Variants in IQCH observed in about 807,000 individuals in gnomAD.
IQCH encodes the protein IQ motif containing H.
In IQCH, 98 loss-of-function variants were observed where a neutral mutation model predicts 117.0. That is an observed-to-expected ratio of 0.84 (90% CI 0.71 to 0.99). IQCH has a LOEUF of 0.99. Ranked by LOEUF, IQCH falls within the 50% of genes least tolerant of loss-of-function variation. IQCH has a pLI of 0.00. For missense variants in IQCH, 1,102 were observed against 1,243.8 expected, an observed-to-expected ratio of 0.89 and a Z score of 1.72; for synonymous variants, 412 against 448.2, an observed-to-expected ratio of 0.92 and a Z score of 1.02.
At position 67,387,101 on chromosome 15, in the gene IQCH, T is replaced by C. The variant is rs537118650; in HGVS notation, c.1457-1730T>C. The stretch of plus-strand genomic sequence containing the variant: ...CCTCTACTGTAATTTGGTTAGACGC[T>C]AGTCTCTTCTTCAAAATACAAGACT... On this transcript the variant is annotated intron_variant, in intron 11 of 20. Coordinates refer to ENST00000335894, the MANE Select transcript of IQCH (RefSeq NM_001031715.3). This position sits in a 1 kb window ranked among gnomAD's most constrained non-coding sequence, Gnocchi z 4.8. Among the ~76,000 whole-genome samples the C allele has an allele frequency of 7.2e-5, 11 of 152,338 alleles. No homozygotes were observed. Among genetic ancestry groups the C allele is most frequent in the African/African-American group, 1.9e-4 (8 of 41,594 alleles).
chr15:67,338,464 A>G (rs2140663646), intron 5 of IQCH, among the ~76,000 whole-genome samples: 1 of 152,288 alleles, frequency 6.6e-6, no homozygotes, highest in African/African-American at 2.4e-5. Flanking sequence ...GCAAGATACT[A>G]TGAATGTCAG....
chr15:67,323,389 C>A (rs1177295281), intron 4 of IQCH, among the ~76,000 whole-genome samples: 1 of 151,710 alleles, frequency 6.6e-6, no homozygotes, highest in Non-Finnish European at 1.5e-5. Flanking sequence ...ACTACAGGAA[C>A]CCACCACCAT....
rs1310971441 is a variant in IQCH, at chr15:67,403,133, C to T, written c.2097+2828C>T. Among the ~76,000 whole-genome samples the T allele has an allele frequency of 6.6e-6, 1 of 151,964 alleles. No individual in the cohort carries two copies. The highest frequency in any genetic ancestry group is 1.5e-5 in the Non-Finnish European group (1 of 68,004). ...GGGCTGGTGGTGCATGCCTGTAGTA[C>T]CAGCTACTTGGGAGGCTGAGGCAGG... On this transcript the variant is annotated intron_variant, in intron 14 of 20. Coordinates refer to ENST00000335894, the MANE Select transcript of IQCH (RefSeq NM_001031715.3). This position sits in a 1 kb window ranked among gnomAD's most constrained non-coding sequence, Gnocchi z 4.8.
At position 67,281,574 on chromosome 15, in the gene IQCH, G is replaced by A. The variant is rs1364773532; in HGVS notation, c.387+2062G>A. The A allele has an allele frequency of 1.5e-5, 6 of 388,924 alleles. No homozygotes were observed. The Admixed American group carries it at 1.9e-4, about 12-fold the overall frequency. The allele number at this position is 388,924 out of a possible 1,614,324, so 24.1% of individuals were successfully genotyped here. A position where few individuals can be genotyped will look rare whatever the true frequency, so the allele number is the denominator to read the frequency against. ...CAGCCTCCTTCAGAGAGAATAGATG[G>A]CAAATGTTTCTTTTCAGTCGTTTAA... On this transcript the variant is annotated intron_variant, in intron 4 of 20. Transcript: ENST00000335894.
chr15:67,315,664 T>A (rs1967811118), intron 4 of IQCH, among the ~76,000 whole-genome samples: 1 of 152,166 alleles, frequency 6.6e-6, no homozygotes, highest in Admixed American at 6.6e-5. Flanking sequence ...AATCATTGCC[T>A]TCCTTTTTAC....
Position 67,338,505 on chromosome 15 carries a change from G to A in IQCH, c.508+1410G>A, listed in dbSNP as rs1969002191. 2.6e-5 allele frequency among the ~76,000 whole-genome samples: 4 copies of A among 152,130 alleles called. No homozygotes were observed. In the South Asian group the frequency reaches 8.3e-4, roughly 32 times the overall value. ...CACAAGCCACAGAAATATAAATACAGTGTCTATATTTTTTTAGGTGTTTCT... is the reference window on the plus strand; with the variant it reads ...CACAAGCCACAGAAATATAAATACAATGTCTATATTTTTTTAGGTGTTTCT... On this transcript the variant is annotated intron_variant, in intron 5 of 20. Coordinates refer to ENST00000335894, the MANE Select transcript of IQCH (RefSeq NM_001031715.3).
intron 4 of IQCH, among the ~76,000 whole-genome samples, chr15:67,296,936 A>T (rs2140517403): frequency 6.6e-6 from 1 of 152,352 alleles, no homozygotes; most frequent in South Asian, 2.1e-4. Flanking sequence ...GGACCTGAAT[A>T]AATGTTAGCT....
Position 67,384,803 on chromosome 15 carries a change from GGTT to G in IQCH, c.1373-129_1373-127del. ...ACAAGCACCTCATTCTTCGGGATTGGGTTGTTTCTGTAAGATGCTTCAGAGAAA... is the reference window on the plus strand; with the variant it reads ...ACAAGCACCTCATTCTTCGGGATTGGGTTTCTGTAAGATGCTTCAGAGAAA... On this transcript the variant is annotated intron_variant, in intron 10 of 20. Transcript: ENST00000335894. The surrounding 1 kb of genome is among the most constrained non-coding windows in gnomAD (Gnocchi z 4.3). 1.6e-6 allele frequency: 1 copy of G among 636,702 alleles called. No individual in the cohort carries two copies. Among genetic ancestry groups the G allele is most frequent in the Non-Finnish European group, 2.9e-6 (1 of 344,932 alleles). The allele number at this position is 636,702 out of a possible 1,614,324, so 39.4% of individuals were successfully genotyped here.
chr15:67,348,135 T>C (rs921667863), intron 6 of IQCH, among the ~76,000 whole-genome samples: 2 of 152,102 alleles, frequency 1.3e-5, no homozygotes, highest in African/African-American at 4.8e-5. Flanking sequence ...AAAAGATGTC[T>C]ACAACTAATA....
In IQCH at chr15:67,315,897, TA is replaced by T. The variant is rs1967822608; in HGVS notation, c.388-21077del. The stretch of plus-strand genomic sequence containing the variant: ...ATACGTCCTATCTGAGTAATTATAC[TA>T]TCCAGAGGATGAGAGAAACCCTGCC... On this transcript the variant is annotated intron_variant, in intron 4 of 20. Transcript: ENST00000335894. Among the ~76,000 whole-genome samples, 2 of 152,174 alleles carry T rather than the reference TA, an allele frequency of 1.3e-5. 1 individual carries two copies. The highest frequency in any genetic ancestry group is 2.9e-5 in the Non-Finnish European group (2 of 68,024).
At chr15:67,378,280 C>T (rs1277626080) in intron 10 of IQCH, among the ~76,000 whole-genome samples, 1 of 151,842 alleles carries the variant, frequency 6.6e-6, no homozygotes, top group Non-Finnish European at 1.5e-5. Flanking sequence ...CTGGAGTCAC[C>T]TGATACCCAG....
intron 1 of IQCH, among the ~76,000 whole-genome samples, chr15:67,256,502 T>C (rs78226807): frequency 0.025 from 3,860 of 152,228 alleles, 78 homozygotes; most frequent in African/African-American, 0.052. Flanking sequence ...TGATAGACTG[T>C]CTGGTGGCCA....
chr15:67,402,390 G>T (rs2140872215), intron 14 of IQCH, among the ~76,000 whole-genome samples: 1 of 152,326 alleles, frequency 6.6e-6, no homozygotes, highest in East Asian at 1.9e-4. Context: ...TGCCTTCAAA[G>T]TGAAATCATA....
In IQCH at chr15:67,365,463, C is replaced by T. The variant is rs148592171; in HGVS notation, c.753+5578C>T. Among the ~76,000 whole-genome samples the T allele has an allele frequency of 1.3e-5, 2 of 152,158 alleles. No individual in the cohort carries two copies. Among genetic ancestry groups the T allele is most frequent in the Admixed American group, 6.5e-5 (1 of 15,286 alleles). ...TCAACTAATCCTTTTTGACCTTTAC[C>T]GTGTGCCAGGCAGTGTACTAGATAG... On this transcript the variant is annotated intron_variant, in intron 8 of 20. Transcript: ENST00000335894. This position sits in a 1 kb window ranked among gnomAD's most constrained non-coding sequence, Gnocchi z 4.4.
intron 8 of IQCH, chr15:67,371,535 T>G (rs1477776454): frequency 2.6e-6 from 4 of 1,518,832 alleles, no homozygotes; most frequent in Non-Finnish European, 3.6e-6. Context: ...ATGACAAAGG[T>G]GATAACATAT....
chr15:67,485,242 C>G (rs2083443788), intron 18 of IQCH, among the ~76,000 whole-genome samples: 1 of 151,746 alleles, frequency 6.6e-6, no homozygotes, highest in African/African-American at 2.4e-5. Context: ...GTTTTTTAAC[C>G]CAAATGGAAA....
At chr15:67,295,450 G>A (rs145768260) in intron 4 of IQCH, among the ~76,000 whole-genome samples, 10 of 152,168 alleles carry the variant, frequency 6.6e-5, no homozygotes, top group East Asian at 3.9e-4. Context: ...CCCTTTGATC[G>A]TTTTCTTCTC....
chr15:67,292,375 C>T (rs937886058), intron 4 of IQCH, among the ~76,000 whole-genome samples: 1 of 152,112 alleles, frequency 6.6e-6, no homozygotes, highest in Non-Finnish European at 1.5e-5. Flanking sequence ...CCTCAGCCTC[C>T]CGAGTAGCTG....
intron 15 of IQCH, among the ~76,000 whole-genome samples, chr15:67,418,503 C>A (rs1414313746): frequency 1.0e-5 from 1 of 96,852 alleles, no homozygotes; most frequent in African/African-American, 4.0e-5. Flanking sequence ...GGAAGAAAAT[C>A]AAGTGGCTAC....
Sources: allele counts gnomAD v4.1 joint callset (sites outside exome capture counted in the v4.1 genomes callset), GRCh38; gene constraint gnomAD v4.1.1; non-coding constraint Gnocchi (gnomAD v3.1); transcripts MANE v1.5; gene names NCBI Gene and HGNC (gene_info 2026-07-23, HGNC 2026-07-21).